ZNF385D: variants seen among roughly 807,000 people sequenced by gnomAD.
The protein encoded by ZNF385D is zinc finger protein 659.
A neutral mutation model predicts 35.8 loss-of-function variants in ZNF385D; 15 were observed. The ratio of observed to expected loss-of-function variants is 0.42; its 90% CI spans 0.28 to 0.64. The LOEUF (loss-of-function observed/expected upper bound fraction) is 0.64, where lower values mean the gene tolerates loss of function less well. ZNF385D is among the 30% of genes least tolerant of loss of function. The pLI, the probability that ZNF385D is intolerant of heterozygous loss-of-function variation, is 0.23. For missense variants in ZNF385D, 474 were observed against 494.6 expected (o/e 0.96, Z 0.39); for synonymous variants, 212 against 186.8 (o/e 1.13, Z -1.10).
At chr3:21,526,834 A>G (rs1708256828) in intron 3 of ZNF385D, among the ~76,000 whole-genome samples, 1 of 152,206 alleles carries the variant, frequency 6.6e-6, no homozygotes, top group African/African-American at 2.4e-5. Context: ...GGCTTCCAGA[A>G]GCAAACTTCA....
At chr3:21,722,426 T>C (rs1264249231) in intron 1 of ZNF385D, among the ~76,000 whole-genome samples, 1 of 152,206 alleles carries the variant, frequency 6.6e-6, no homozygotes, top group Non-Finnish European at 1.5e-5. Flanking sequence ...TTAGGTCTTG[T>C]TTGCCTTGCT....
At chr3:21,761,947 C>T (rs1272488014) in intron 3 of ZNF385D, among the ~76,000 whole-genome samples, 1 of 134,976 alleles carries the variant, frequency 7.4e-6, no homozygotes, top group African/African-American at 2.8e-5. Flanking sequence ...GGCGCGATCT[C>T]GGCTCACTGC....
intron 3 of ZNF385D, among the ~76,000 whole-genome samples, chr3:21,948,015 C>T (rs553653436): frequency 2.0e-5 from 3 of 152,140 alleles, no homozygotes; most frequent in African/African-American, 4.8e-5. Context: ...TAAATGCTGC[C>T]ATTATAATTA....
Position 21,991,984 on chromosome 3 carries a change from G to A in ZNF385D, c.325+176833C>T, listed in dbSNP as rs1368089483. 2.0e-5 allele frequency among the ~76,000 whole-genome samples: 3 copies of A among 152,142 alleles called. No individual in the cohort carries two copies. In the East Asian group the frequency reaches 5.8e-4, roughly 29 times the overall value. On this transcript the variant is annotated intron_variant, in intron 3 of 5. Coordinates refer to the ZNF385D transcript ENST00000494108. The stretch of plus-strand genomic sequence containing the variant: ...TTAAATCTTGGCTTATCTACTATCT[G>A]TGTGAATTTAGGCTAGCTAACTATT...
chr3:21,888,412 T>C (rs756641396), intron 3 of ZNF385D, among the ~76,000 whole-genome samples: 85 of 151,928 alleles, frequency 5.6e-4, no homozygotes, highest in Non-Finnish European at 9.7e-4. Flanking sequence ...AGAAGAACCA[T>C]TGGGAAGCAG....
At chr3:22,027,992 G>A (rs1208153721) in intron 3 of ZNF385D, among the ~76,000 whole-genome samples, 2 of 152,138 alleles carry the variant, frequency 1.3e-5, no homozygotes, top group Non-Finnish European at 2.9e-5. Flanking sequence ...TCTTCCCAGT[G>A]GGCAGAACTT....
chr3:22,122,699 C>G (rs977796326), intron 3 of ZNF385D, among the ~76,000 whole-genome samples: 3 of 151,996 alleles, frequency 2.0e-5, no homozygotes, highest in Non-Finnish European at 4.4e-5. Context: ...GGGGAGGTAA[C>G]AATTTGGATA....
chr3:22,100,608 C>G (rs1382361299), intron 3 of ZNF385D, among the ~76,000 whole-genome samples: 1 of 145,224 alleles, frequency 6.9e-6, no homozygotes, highest in Non-Finnish European at 1.5e-5. Context: ...ATCACATATT[C>G]TCACTCATAG....
At chr3:21,704,564 A>C (rs573243503) in intron 1 of ZNF385D, among the ~76,000 whole-genome samples, 3 of 152,146 alleles carry the variant, frequency 2.0e-5, no homozygotes, top group Admixed American at 6.5e-5. Context: ...AATGGAGTGC[A>C]GTGGTGTGAT....
chr3:21,628,505 A>AT (rs200800594), intron 2 of ZNF385D, among the ~76,000 whole-genome samples: 11 of 139,724 alleles, frequency 7.9e-5, no homozygotes, highest in East Asian at 5.0e-4. Context: ...AAAAATCTAG[A>AT]TTTTAAAAAA....
At chr3:22,136,261 G>A (rs2125695010) in intron 3 of ZNF385D, among the ~76,000 whole-genome samples, 1 of 152,244 alleles carries the variant, frequency 6.6e-6, no homozygotes, top group East Asian at 1.9e-4. Flanking sequence ...CATGGCATAG[G>A]CCTGTAGTCC....
chr3:22,335,480 A>G (rs1394122739), intron 2 of ZNF385D, among the ~76,000 whole-genome samples: 1 of 152,154 alleles, frequency 6.6e-6, no homozygotes, highest in Non-Finnish European at 1.5e-5. Context: ...CATTCAATCT[A>G]AAGCCTCACT....
intron 3 of ZNF385D, among the ~76,000 whole-genome samples, chr3:22,111,162 TTTTTTTTTTTTTTTG>T (rs1406090157): frequency 3.5e-5 from 3 of 86,588 alleles, no homozygotes; most frequent in African/African-American, 9.2e-5. Flanking sequence ...ATTTTTTTTT[TTTTTTTTTTTTTTTG>T]TTTTTTTTGT....
At chr3:21,676,700 G>C (rs1461742564) in intron 1 of ZNF385D, among the ~76,000 whole-genome samples, 1 of 152,004 alleles carries the variant, frequency 6.6e-6, no homozygotes, top group Admixed American at 6.6e-5. Context: ...AGGAGGTTTA[G>C]CAAGATCATC....
chr3:21,810,953 CACAT>C (rs1319539740), intron 3 of ZNF385D, among the ~76,000 whole-genome samples: 1 of 142,320 alleles, frequency 7.0e-6, no homozygotes, highest in African/African-American at 2.6e-5. Flanking sequence ...CACACACACA[CACAT>C]ATGTGTGTGT....
intron 4 of ZNF385D, 127 bp from the exon 5 acceptor site, chr3:21,437,330 A>G: frequency 1.2e-6 from 1 of 843,716 alleles, no homozygotes. Flanking sequence ...GCTGTTTGTC[A>G]AGGATGCATC....
At chr3:21,992,040 A>G (rs570697357) in intron 3 of ZNF385D, among the ~76,000 whole-genome samples, 11 of 152,334 alleles carry the variant, frequency 7.2e-5, no homozygotes, top group African/African-American at 2.4e-4. Context: ...TGGAATGAGA[A>G]TAACAGTCCT....
chr3:22,018,850 T>A (rs897364183), intron 3 of ZNF385D, among the ~76,000 whole-genome samples: 9 of 151,876 alleles, frequency 5.9e-5, no homozygotes, highest in Admixed American at 4.6e-4. Flanking sequence ...ATGGGTGGAG[T>A]TTAATTGCTA....
intron 4 of ZNF385D, among the ~76,000 whole-genome samples, chr3:21,477,167 T>A (rs1704305899): frequency 6.6e-6 from 1 of 152,074 alleles, no homozygotes; most frequent in Admixed American, 6.6e-5. Context: ...ATCACTTGAG[T>A]TCAGGAGTTC....
Sources: allele counts gnomAD v4.1 joint callset (sites outside exome capture counted in the v4.1 genomes callset), GRCh38; gene constraint gnomAD v4.1.1; transcripts MANE v1.5; gene names NCBI Gene and HGNC (gene_info 2026-07-23, HGNC 2026-07-21).